The following FAM222A variants were observed in gnomAD, a reference collection of about 807,000 sequenced individuals.
FAM222A encodes protein FAM222A.
In FAM222A, 7 loss-of-function variants were observed where a neutral mutation model predicts 25.8. The ratio of observed to expected loss-of-function variants is 0.27; its 90% CI spans 0.15 to 0.51. The LOEUF (loss-of-function observed/expected upper bound fraction) is 0.51, where lower values mean the gene tolerates loss of function less well. FAM222A is among the 20% of genes least tolerant of loss of function. The pLI, the probability that FAM222A is intolerant of heterozygous loss-of-function variation, is 0.97. For missense variants in FAM222A, 573 were observed against 640.5 expected (o/e 0.89, Z 1.14); for synonymous variants, 294 against 298.8 (o/e 0.98, Z 0.17).
At chr12:109,748,686 A>C (rs1888474716) in intron 2 of FAM222A, among the ~76,000 whole-genome samples, 1 of 151,718 alleles carries the variant, frequency 6.6e-6, no homozygotes, top group Non-Finnish European at 1.5e-5. Context: ...AATTTTTACA[A>C]CTCTTAAGTG....
At position 109,768,639 on chromosome 12, in the gene FAM222A, C is replaced by T; in HGVS notation, c.710C>T (p.Pro237Leu). 1 of 1,601,294 alleles carries T rather than the reference C, an allele frequency of 6.2e-7. No individual in the cohort carries two copies. The highest frequency in any genetic ancestry group is 8.5e-7 in the Non-Finnish European group (1 of 1,179,222). Residue 237 changes from proline to leucine, a missense_variant, in exon 3 of 3, where the codon CCC (proline) becomes CTC (leucine). Pro to Leu is a moderately conservative substitution (Grantham distance 98). This residue lies in a region of FAM222A where 412 missense variants were observed against 407.0 expected (regional missense o/e 1.01). Transcript: ENST00000538780. ...AGCCCTGCCAAGCACGGCCCAGTGC[C>T]CAGCTTCCCCAGCATGGCCTACTCG... ...HPSPAKHGPVPSFPSMAYSAA... is the reference protein window; with the variant it reads ...HPSPAKHGPVLSFPSMAYSAA...
intron 2 of FAM222A, among the ~76,000 whole-genome samples, chr12:109,755,968 T>C (rs1403559335): frequency 1.3e-5 from 2 of 152,252 alleles, no homozygotes; most frequent in Non-Finnish European, 2.9e-5. Flanking sequence ...CCATGAAGTT[T>C]AGTCTCAGCT....
Position 109,768,805 on chromosome 12 carries a change from G to T in FAM222A, c.876G>T (p.Pro292=). 1 of 1,571,680 alleles carries T rather than the reference G, an allele frequency of 6.4e-7. No homozygotes were observed. The change falls in exon 3 of 3, where the codon CCG becomes CCT. Residue 292 remains proline (P), a synonymous_variant. Transcript: ENST00000538780. ...ATTACCTGCTGTGGCCGCAGAAACC[G>T]CCCCCACCGCCGCCCCAGCCACTGC... ...GLDYLLWPQK[P]PPPPPQPLRA...
intron 1 of FAM222A, among the ~76,000 whole-genome samples, chr12:109,723,440 C>T (rs1887785574): frequency 6.6e-6 from 1 of 152,210 alleles, no homozygotes; most frequent in Non-Finnish European, 1.5e-5. Context: ...CCTGCCATTG[C>T]ACTTTGCCCA....
intron 1 of FAM222A, among the ~76,000 whole-genome samples, chr12:109,729,351 G>A (rs950187646): frequency 4.6e-5 from 7 of 152,158 alleles, no homozygotes; most frequent in Admixed American, 3.9e-4. Flanking sequence ...TCTGGGTGAG[G>A]GGCATGCTGG....
intron 1 of FAM222A, among the ~76,000 whole-genome samples, chr12:109,742,611 CT>C (rs201720366): frequency 1.3e-4 from 18 of 142,234 alleles, no homozygotes; most frequent in Admixed American, 2.1e-4. Context: ...CTCTCTCGCT[CT>C]TTTTTTTTTT....
rs1305372425 is a variant in FAM222A at position 109,713,984 on chromosome 12, C to T, written c.-960C>T. 1.4e-5 allele frequency among the ~76,000 whole-genome samples: 2 copies of T among 146,448 alleles called. No individual in the cohort carries two copies. The highest frequency in any genetic ancestry group is 6.8e-5 in the Admixed American group (1 of 14,780). ...GACCAGGCGAGGCGCCGGCGCGCGC[C>T]AGACGGCGCGAGGCTGCGGCCCCGG... On this transcript the variant is annotated 5_prime_UTR_variant, in exon 1 of 3. Coordinates refer to ENST00000538780, the MANE Select transcript of FAM222A (RefSeq NM_032829.3).
At chr12:109,751,075 G>A (rs1398039413) in intron 2 of FAM222A, among the ~76,000 whole-genome samples, 1 of 152,036 alleles carries the variant, frequency 6.6e-6, no homozygotes, top group Non-Finnish European at 1.5e-5. Flanking sequence ...AGCACATATT[G>A]GCTATCTTTC....
intron 2 of FAM222A, among the ~76,000 whole-genome samples, chr12:109,767,038 G>A (rs947666860): frequency 2.0e-5 from 3 of 150,582 alleles, no homozygotes; most frequent in Non-Finnish European, 4.4e-5. Flanking sequence ...TAGGACTATA[G>A]GCATGCACCA....
At chr12:109,719,948 C>G (rs1265274952) in intron 1 of FAM222A, 1 of 302,020 alleles carries the variant, frequency 3.3e-6, no homozygotes, top group African/African-American at 2.3e-5. Flanking sequence ...AGCACCTGCA[C>G]TCTCACTGGC....
intron 1 of FAM222A, among the ~76,000 whole-genome samples, chr12:109,736,967 C>T (rs1452955100): frequency 1.3e-5 from 2 of 152,146 alleles, no homozygotes; most frequent in African/African-American, 4.8e-5. Context: ...GAGACGTTTT[C>T]CTGAGGGCCC....
intron 1 of FAM222A, among the ~76,000 whole-genome samples, chr12:109,736,342 G>A (rs1021265448): frequency 1.3e-5 from 2 of 152,196 alleles, no homozygotes; most frequent in African/African-American, 4.8e-5. Flanking sequence ...GTACCACTTA[G>A]GCAGCTACCA....
At chr12:109,746,815 C>T (rs1029570697) in intron 2 of FAM222A, among the ~76,000 whole-genome samples, 2 of 152,206 alleles carry the variant, frequency 1.3e-5, no homozygotes, top group African/African-American at 4.8e-5. Context: ...CCTTTCTCTA[C>T]AATTTCCCTA....
intron 2 of FAM222A, among the ~76,000 whole-genome samples, chr12:109,751,478 A>G (rs1241729425): frequency 2.6e-5 from 4 of 152,164 alleles, no homozygotes; most frequent in Admixed American, 6.5e-5. Flanking sequence ...TGCTGGTTCA[A>G]TTTAGATTAC....
Position 109,748,330 on chromosome 12 carries a change from C to CTTTTTTTTTTTTTTTTTTTTTTTTT in FAM222A, c.82+4105_82+4106insTTTTTTTTTTTTTTTTTTTTTTTTT, listed in dbSNP as rs1410740242. ...GTCAAAGAGATTGTTCTTTGGTTTTCTTTCTTTTTTTTTTTTTTTTTTTTG... is the reference window on the plus strand; with the variant it reads ...GTCAAAGAGATTGTTCTTTGGTTTTCTTTTTTTTTTTTTTTTTTTTTTTTTTTTCTTTTTTTTTTTTTTTTTTTTG... On this transcript the variant is annotated intron_variant, in intron 2 of 2. Coordinates refer to ENST00000538780, the MANE Select transcript of FAM222A (RefSeq NM_032829.3). 4.9e-5 allele frequency among the ~76,000 whole-genome samples: 2 copies of CTTTTTTTTTTTTTTTTTTTTTTTTT among 40,446 alleles called. 1 individual carries two copies. 26.5% of individuals were successfully genotyped at this position (40,446 alleles called of 152,430 possible). A position where few individuals can be genotyped will look rare whatever the true frequency, so the allele number is the denominator to read the frequency against.
chr12:109,768,542 C>G lies in FAM222A; in HGVS notation c.613C>G (p.Gln205Glu), dbSNP rs758931470. Reference protein sequence around the residue: ...NLPSIHSLLYQLNQQCQAPGA... With the variant: ...NLPSIHSLLYELNQQCQAPGA... ...GCCCTCCATCCACAGCCTCCTGTAC[C>G]AGCTCAACCAGCAGTGCCAGGCCCC... The change falls in exon 3 of 3, where the codon CAG (glutamine) becomes GAG (glutamate). Residue 205 changes from glutamine (Q) to glutamate (E), a missense_variant. Physicochemically the swap from Gln to Glu is conservative, Grantham distance 29. This residue lies in a region of FAM222A where 412 missense variants were observed against 407.0 expected (regional missense o/e 1.01). Coordinates refer to ENST00000538780, the MANE Select transcript of FAM222A (RefSeq NM_032829.3). 1.2e-6 allele frequency: 2 copies of G among 1,603,816 alleles called. No homozygotes were observed. The highest frequency in any genetic ancestry group is 8.5e-7 in the Non-Finnish European group (1 of 1,176,194).
At chr12:109,735,596 C>G (rs1421511347) in intron 1 of FAM222A, 1 of 152,224 alleles carries the variant, frequency 6.6e-6, no homozygotes, top group Non-Finnish European at 1.5e-5. Context: ...CTTACCTTTG[C>G]CCGTTGCACA....
intron 1 of FAM222A, among the ~76,000 whole-genome samples, chr12:109,725,926 AT>A (rs1190107298): frequency 6.6e-6 from 1 of 151,912 alleles, no homozygotes; most frequent in Non-Finnish European, 1.5e-5. Flanking sequence ...CGCCGGCTTA[AT>A]TACTTGGTAT....
intron 1 of FAM222A, chr12:109,722,917 TAGC>T (rs756008428): frequency 2.7e-4 from 40 of 146,646 alleles, no homozygotes; most frequent in Non-Finnish European, 4.6e-4. Flanking sequence ...TATACCCAAT[TAGC>T]AGTAACATCC....
Sources: allele counts gnomAD v4.1 joint callset (sites outside exome capture counted in the v4.1 genomes callset), GRCh38; gene constraint gnomAD v4.1.1; regional missense constraint gnomAD v4.1.1; transcripts MANE v1.5; gene names NCBI Gene and HGNC (gene_info 2026-07-23, HGNC 2026-07-21).